The following MACF1 variants were observed in gnomAD, a reference collection of about 807,000 sequenced individuals.
MACF1 encodes microtubule actin crosslinking factor 1, also known as microtubule-actin cross-linking factor 1.
Under a neutral mutation model 854.8 loss-of-function variants are expected in MACF1, and 193 were observed. The ratio of observed to expected loss-of-function variants is 0.23; its 90% CI spans 0.20 to 0.25. The LOEUF (loss-of-function observed/expected upper bound fraction) is 0.25. Among genes scored for constraint, MACF1 ranks in the 10% least tolerant of loss-of-function variants. MACF1 has a pLI of 1.00. For missense variants in MACF1, 7,722 were observed against 8,929.1 expected, an observed-to-expected ratio of 0.86 and a Z score of 5.45; for synonymous variants, 3,185 against 3,226.7, an observed-to-expected ratio of 0.99 and a Z score of 0.44.
intron 2 of MACF1, among the ~76,000 whole-genome samples, chr1:39,150,430 A>G (rs563493547): frequency 6.6e-6 from 1 of 152,374 alleles, no homozygotes; most frequent in South Asian, 2.1e-4. Context: ...GTAATAATAC[A>G]GTGGATTATT....
chr1:39,243,101 A>G (rs1175136228), intron 2 of MACF1, among the ~76,000 whole-genome samples: 1 of 152,202 alleles, frequency 6.6e-6, no homozygotes, highest in Non-Finnish European at 1.5e-5. Context: ...CTTTTTTGCT[A>G]ACACTTATCT....
At position 39,441,345 on chromosome 1, in the gene MACF1, C is replaced by T. The variant is rs763872581; in HGVS notation, c.18672+20C>T. On this transcript the variant is annotated intron_variant, in intron 74 of 100. Coordinates refer to ENST00000564288, the MANE Select transcript of MACF1 (RefSeq NM_001394062.1). ...CTTCAGGTGAGAGGCCAGGAGGTGA[C>T]CACCAAGGAAATACAGGTTCTGTTT... The T allele has an allele frequency of 3.7e-5, 58 of 1,584,906 alleles. No individual in the cohort carries two copies. The highest frequency in any genetic ancestry group is 4.8e-5 in the Non-Finnish European group (56 of 1,157,328).
At chr1:39,233,505 G>A in intron 2 of MACF1, among the ~76,000 whole-genome samples, 1 of 152,204 alleles carries the variant, frequency 6.6e-6, no homozygotes, top group Non-Finnish European at 1.5e-5. Flanking sequence ...CACAAACACA[G>A]AAAGTCTGAT....
At chr1:39,270,285 T>C (rs74066726) in intron 6 of MACF1, among the ~76,000 whole-genome samples, 4,690 of 152,266 alleles carry the variant, frequency 0.031, 231 homozygotes, top group African/African-American at 0.11. Context: ...CTTCTTTGGT[T>C]CCTAATTCCA....
intron 95 of MACF1, among the ~76,000 whole-genome samples, chr1:39,467,198 C>G (rs555155674): frequency 6.6e-6 from 1 of 152,216 alleles, no homozygotes. Flanking sequence ...AACACCGTCT[C>G]TACTAAAAAT....
intron 40 of MACF1, among the ~76,000 whole-genome samples, chr1:39,341,637 G>T (rs1646938104): frequency 6.6e-6 from 1 of 151,778 alleles, no homozygotes; most frequent in Non-Finnish European, 1.5e-5. Flanking sequence ...AGCAGAGGTT[G>T]CAGTGAGCCA....
At chr1:39,268,681 A>G in intron 6 of MACF1, 1 of 1,263,156 alleles carries the variant, frequency 7.9e-7, no homozygotes, top group Non-Finnish European at 1.0e-6. Flanking sequence ...TTTTGCTGAG[A>G]TTAGGAGAGG....
At chr1:39,375,928 T>C (rs1210724424) in intron 52 of MACF1, among the ~76,000 whole-genome samples, 2 of 152,222 alleles carry the variant, frequency 1.3e-5, no homozygotes, top group Non-Finnish European at 2.9e-5. Context: ...ACTGTGTAGA[T>C]GTACAGAGAG....
chr1:39,357,427 A>G lies in MACF1; in HGVS notation c.11477A>G (p.Gln3826Arg), dbSNP rs1647689896. 1.2e-6 allele frequency: 2 copies of G among 1,614,082 alleles called. No homozygotes were observed. The highest frequency in any genetic ancestry group is 8.5e-7 in the Non-Finnish European group (1 of 1,180,022). The stretch of plus-strand genomic sequence containing the variant: ...CAGCAAAATTTCATTCTGGCCACCC[A>G]GTCAGCTCAGGCCTTCTTGGATCAG... ...SQQQNFILAT[Q>R]SAQAFLDQHG... The change falls in exon 45 of 101, where the codon CAG becomes CGG. Residue 3826 changes from glutamine (Q) to arginine (R), a missense_variant. Coordinates refer to ENST00000564288, the MANE Select transcript of MACF1 (RefSeq NM_001394062.1).
chr1:39,351,724 C>CTA (rs1379025489), intron 43 of MACF1, among the ~76,000 whole-genome samples: 4 of 150,862 alleles, frequency 2.7e-5, no homozygotes, highest in Non-Finnish European at 4.4e-5. Flanking sequence ...GTAGCTGGGA[C>CTA]TACAGATGCA....
intron 2 of MACF1, among the ~76,000 whole-genome samples, chr1:39,238,825 T>C (rs981953471): frequency 3.9e-5 from 6 of 152,220 alleles, no homozygotes; most frequent in Non-Finnish European, 7.3e-5. Flanking sequence ...CAGAGAGAGA[T>C]TCACTGCTAA....
At chr1:39,411,426 C>T in intron 58 of MACF1, 1 of 1,613,978 alleles carries the variant, frequency 6.2e-7, no homozygotes, top group Non-Finnish European at 8.5e-7. Context: ...GGACTTTTGG[C>T]CACCTATCTC....
At position 39,441,276 on chromosome 1, in the gene MACF1, A is replaced by C. The variant is rs1644110777; in HGVS notation, c.18623A>C (p.Lys6208Thr). ...AAAACATGGAAAGAGAGGCTAGAAA[A>C]ACTTGAGGATGCTATGCAAGCTGCT... ...LNKTWKERLE[K>T]LEDAMQAAVQ... Residue 6208 changes from lysine (K) to threonine (T), a missense_variant, in exon 74 of 101, where the codon AAA becomes ACA. By Grantham distance (78) the Lys-to-Thr change is moderately conservative (BLOSUM62 -1). This residue lies in a region of MACF1 where 2,807 missense variants were observed against 3,235.8 expected (regional missense o/e 0.87). Transcript: ENST00000564288. The C allele has an allele frequency of 6.2e-7, 1 of 1,614,050 alleles. No homozygotes were observed. The highest frequency in any genetic ancestry group is 8.5e-7 in the Non-Finnish European group (1 of 1,180,022).
In MACF1 at chr1:39,253,969, T is replaced by G. The variant is rs1042563785; in HGVS notation, c.358-329T>G. On this transcript the variant is annotated intron_variant, in intron 4 of 100. Transcript: ENST00000564288. The stretch of plus-strand genomic sequence containing the variant: ...TCATAGAGCCAAAGTCTGTTCCCAT[T>G]AACCTCACATCCAGAATCAAGTTCT... Among the ~76,000 whole-genome samples, 6 of 152,214 alleles carry G rather than the reference T, an allele frequency of 3.9e-5. No homozygotes were observed. In the East Asian group the frequency reaches 1.2e-3, roughly 29 times the overall value.
chr1:39,106,796 C>A lies in MACF1; in HGVS notation c.220+22358C>A, dbSNP rs111751430. On this transcript the variant is annotated intron_variant, in intron 2 of 93. Coordinates refer to the MACF1 transcript ENST00000361689. ...GAAGCTGTAAAACGCCCCCCCTCTC[C>A]CCCCTCCCCCCCACTTTTTTTTTCT... 5.5e-4 allele frequency among the ~76,000 whole-genome samples: 75 copies of A among 137,202 alleles called. 1 individual carries two copies. The highest frequency in any genetic ancestry group is 9.5e-4 in the Non-Finnish European group (60 of 63,436). 90.0% of individuals were successfully genotyped at this position (137,202 alleles called of 152,430 possible). A position where few individuals can be genotyped will look rare whatever the true frequency, so the allele number is the denominator to read the frequency against.
At chr1:39,167,652 G>A (rs1468147285) in intron 2 of MACF1, among the ~76,000 whole-genome samples, 1 of 151,900 alleles carries the variant, frequency 6.6e-6, no homozygotes, top group Non-Finnish European at 1.5e-5. Flanking sequence ...GTTGTGGTGA[G>A]CCAAGATCAT....
intron 2 of MACF1, among the ~76,000 whole-genome samples, chr1:39,097,549 C>G (rs1641968110): frequency 6.6e-6 from 1 of 151,876 alleles, no homozygotes; most frequent in Non-Finnish European, 1.5e-5. Flanking sequence ...TGGCGAAACC[C>G]CATCTCTACA....
chr1:39,155,803 T>C (rs1267011383), intron 2 of MACF1, among the ~76,000 whole-genome samples: 1 of 152,220 alleles, frequency 6.6e-6, no homozygotes, highest in African/African-American at 2.4e-5. Context: ...CACTGCAACT[T>C]CCGCCTCCGG....
chr1:39,450,676 A>G (rs1385581889), intron 84 of MACF1, among the ~76,000 whole-genome samples: 5 of 147,874 alleles, frequency 3.4e-5, no homozygotes, highest in Admixed American at 2.7e-4. Context: ...CAGTGGTGCA[A>G]TCTCGGCTCA....
Sources: allele counts gnomAD v4.1 joint callset (sites outside exome capture counted in the v4.1 genomes callset), GRCh38; gene constraint gnomAD v4.1.1; regional missense constraint gnomAD v4.1.1; transcripts MANE v1.5; gene names NCBI Gene and HGNC (gene_info 2026-07-23, HGNC 2026-07-21).